Variants in CSMD3 observed in about 807,000 individuals in gnomAD.
The protein encoded by CSMD3 is CUB and Sushi multiple domains 3, also known as CUB and sushi domain-containing protein 3.
Under a neutral mutation model 435.2 loss-of-function variants are expected in CSMD3, and 177 were observed. That is an observed-to-expected ratio of 0.41 (90% CI 0.36 to 0.46). The LOEUF (loss-of-function observed/expected upper bound fraction) is 0.46. Ranked by LOEUF, CSMD3 falls within the 20% of genes least tolerant of loss-of-function variation. CSMD3 has a pLI of 0.34. For synonymous variants in CSMD3, 1,656 were observed against 1,520.5 expected, an observed-to-expected ratio of 1.09 and a Z score of -2.07; for missense variants, 4,265 against 4,504.6, an observed-to-expected ratio of 0.95 and a Z score of 1.52.
chr8:113,389,905 A>T (rs1431714078), intron 1 of CSMD3, among the ~76,000 whole-genome samples: 1 of 151,802 alleles, frequency 6.6e-6, no homozygotes, highest in Non-Finnish European at 1.5e-5. Context: ...AAATGATACT[A>T]TATAGCATTT....
At chr8:112,669,157 C>T (rs1478332276) in intron 16 of CSMD3, among the ~76,000 whole-genome samples, 2 of 151,710 alleles carry the variant, frequency 1.3e-5, no homozygotes, top group Admixed American at 6.6e-5. Flanking sequence ...CTCAGCCTCC[C>T]GAGTAGCTGG....
At chr8:112,281,073 C>A (rs1818578519) in intron 59 of CSMD3, 101 bp downstream of exon 59, 2 of 900,424 alleles carry the variant, frequency 2.2e-6, no homozygotes, top group Non-Finnish European at 3.5e-6. Context: ...ACAGTTAAAA[C>A]CTTACATGGT....
At chr8:113,178,665 G>T (rs192838547) in intron 3 of CSMD3, among the ~76,000 whole-genome samples, 132 of 151,918 alleles carry the variant, frequency 8.7e-4, no homozygotes, top group Admixed American at 3.9e-3. Flanking sequence ...GATCTGAAAA[G>T]GATAAAAAGT....
At chr8:113,115,584 C>A (rs998854125) in intron 4 of CSMD3, among the ~76,000 whole-genome samples, 1 of 152,100 alleles carries the variant, frequency 6.6e-6, no homozygotes, top group South Asian at 2.1e-4. Context: ...TCTTTCAATC[C>A]GCTATTCTTT....
chr8:112,842,941 C>T (rs2080222447), intron 11 of CSMD3, among the ~76,000 whole-genome samples: 1 of 151,516 alleles, frequency 6.6e-6, no homozygotes, highest in African/African-American at 2.4e-5. Flanking sequence ...AATGAATCTG[C>T]CTCTAACTAG....
At chr8:112,352,321 C>T (rs1348615632) in intron 39 of CSMD3, 95 bp downstream of exon 39, 12 of 1,582,770 alleles carry the variant, frequency 7.6e-6, no homozygotes, top group Non-Finnish European at 6.0e-6. Flanking sequence ...AAACCAGGAT[C>T]AATGTTGTAA....
intron 37 of CSMD3, among the ~76,000 whole-genome samples, chr8:112,383,358 A>G (rs907715788): frequency 6.6e-6 from 1 of 152,194 alleles, no homozygotes; most frequent in Non-Finnish European, 1.5e-5. Context: ...TTACACAAAT[A>G]TAGGAAGAAT....
intron 6 of CSMD3, among the ~76,000 whole-genome samples, chr8:112,976,447 T>A (rs1301590173): frequency 6.6e-6 from 1 of 152,030 alleles, no homozygotes; most frequent in African/African-American, 2.4e-5. Flanking sequence ...TTTAAAAAAA[T>A]CTACAGATGA....
chr8:112,413,733 A>G (rs1425739522), intron 32 of CSMD3, among the ~76,000 whole-genome samples: 1 of 152,194 alleles, frequency 6.6e-6, no homozygotes, highest in South Asian at 2.1e-4. Context: ...CTTTTCCACT[A>G]AACTCTAATC....
chr8:113,403,162 C>G lies in CSMD3; in HGVS notation c.178+33515G>C, dbSNP rs140666120. Among the ~76,000 whole-genome samples, 179 of 151,332 alleles carry G rather than the reference C, an allele frequency of 1.2e-3. 1 individual carries two copies. The East Asian group carries it at 0.032, about 27-fold the overall frequency. ...TTTAGCATTACTTTTTCCTAGGATT[C>G]ATCGTAGTTTTTTATATATATTTTA... On this transcript the variant is annotated intron_variant, in intron 1 of 70. Transcript: ENST00000297405.
chr8:112,995,170 A>C (rs1459901342), intron 6 of CSMD3, among the ~76,000 whole-genome samples: 1 of 151,538 alleles, frequency 6.6e-6, no homozygotes, highest in Non-Finnish European at 1.5e-5. Context: ...AAGAATGGGA[A>C]AATAGAAAGA....
At chr8:113,297,738 T>G (rs1377910423) in intron 2 of CSMD3, among the ~76,000 whole-genome samples, 1 of 152,076 alleles carries the variant, frequency 6.6e-6, no homozygotes, top group Non-Finnish European at 1.5e-5. Context: ...GTCATATTAA[T>G]TAGTTATATA....
chr8:113,011,539 A>G (rs1273723210), intron 6 of CSMD3, among the ~76,000 whole-genome samples: 1 of 151,862 alleles, frequency 6.6e-6, no homozygotes, highest in Non-Finnish European at 1.5e-5. Flanking sequence ...TGCCAAATCT[A>G]AGGATTAGAA....
intron 6 of CSMD3, among the ~76,000 whole-genome samples, chr8:113,013,709 C>T (rs1380672934): frequency 1.3e-5 from 2 of 152,036 alleles, no homozygotes; most frequent in African/African-American, 4.8e-5. Flanking sequence ...AACCATTTTT[C>T]TTCTGCTCTT....
intron 24 of CSMD3, among the ~76,000 whole-genome samples, chr8:112,565,508 G>A (rs758535636): frequency 4.6e-5 from 7 of 152,018 alleles, no homozygotes; most frequent in Non-Finnish European, 8.8e-5. Flanking sequence ...TATAAAATTT[G>A]AAATGGCCAT....
At chr8:113,057,750 C>A (rs2088412612) in intron 5 of CSMD3, among the ~76,000 whole-genome samples, 4 of 151,738 alleles carry the variant, frequency 2.6e-5, no homozygotes. Context: ...TTTAAAAATT[C>A]TATTCTACTT....
chr8:112,797,389 T>C (rs1803050098), intron 13 of CSMD3, among the ~76,000 whole-genome samples: 1 of 151,908 alleles, frequency 6.6e-6, no homozygotes, highest in African/African-American at 2.4e-5. Flanking sequence ...TTTGAAATTA[T>C]ATTTCCTTTA....
At chr8:113,225,709 A>G (rs1287450553) in intron 3 of CSMD3, among the ~76,000 whole-genome samples, 1 of 151,568 alleles carries the variant, frequency 6.6e-6, no homozygotes, top group Non-Finnish European at 1.5e-5. Flanking sequence ...GTAACATACA[A>G]TTCAGGGGGA....
chr8:112,361,082 T>C (rs1827155818), intron 38 of CSMD3, among the ~76,000 whole-genome samples: 1 of 151,978 alleles, frequency 6.6e-6, no homozygotes, highest in African/African-American at 2.4e-5. Flanking sequence ...AAGAGAATTT[T>C]TTTGTAGAAA....
Sources: allele counts gnomAD v4.1 joint callset (sites outside exome capture counted in the v4.1 genomes callset), GRCh38; gene constraint gnomAD v4.1.1; transcripts MANE v1.5; gene names NCBI Gene and HGNC (gene_info 2026-07-23, HGNC 2026-07-21).